The following UNC13C variants were observed in gnomAD, a reference collection of about 807,000 sequenced individuals.
The protein encoded by UNC13C is protein unc-13 homolog C.
Under a neutral mutation model 245.4 loss-of-function variants are expected in UNC13C, and 174 were observed. The observed-to-expected ratio is 0.71, with a 90% CI of 0.63 to 0.80. The LOEUF (loss-of-function observed/expected upper bound fraction) is 0.80. UNC13C is among the 30% of genes least tolerant of loss of function. UNC13C has a pLI of 0.00. For missense variants in UNC13C, 2,829 were observed against 2,602.9 expected (o/e 1.09, Z -1.89); for synonymous variants, 992 against 895.1 (o/e 1.11, Z -1.93).
At chr15:53,958,815 A>G in the UNC13C span, among the ~76,000 whole-genome samples, 7 of 152,182 alleles carry the variant, frequency 4.6e-5, no homozygotes, top group African/African-American at 1.7e-4. Flanking sequence ...GGAGCATTAC[A>G]GTTCTTGTAG....
chr15:54,115,770 C>T (rs2030197354), intron 2 of UNC13C, among the ~76,000 whole-genome samples: 1 of 151,726 alleles, frequency 6.6e-6, no homozygotes, highest in African/African-American at 2.4e-5. Flanking sequence ...TATTCCTAGC[C>T]CTGGGGATAC....
At chr15:54,383,149 C>G (rs1002608542) in intron 17 of UNC13C, among the ~76,000 whole-genome samples, 2 of 152,148 alleles carry the variant, frequency 1.3e-5, no homozygotes, top group Non-Finnish European at 2.9e-5. Flanking sequence ...TTTTCTTAAA[C>G]TATTCCAAAA....
intron 17 of UNC13C, among the ~76,000 whole-genome samples, chr15:54,339,466 G>C (rs995344481): frequency 6.6e-6 from 1 of 151,956 alleles, no homozygotes; most frequent in Non-Finnish European, 1.5e-5. Context: ...TCATTCTTAC[G>C]CCTTTGCACC....
At chr15:54,454,780 A>G (rs1465802223) in intron 19 of UNC13C, among the ~76,000 whole-genome samples, 1 of 147,842 alleles carries the variant, frequency 6.8e-6, no homozygotes, top group Non-Finnish European at 1.5e-5. Context: ...CCAGTACTCC[A>G]TCTCTTTTTT....
chr15:54,549,514 C>G, intron 27 of UNC13C, 121 bp from the exon 28 acceptor site: 1 of 728,394 alleles, frequency 1.4e-6, no homozygotes, highest in South Asian at 2.2e-5. Context: ...TTAAGGGCAT[C>G]TGGCATAAGC....
intron 29 of UNC13C, 36 bp downstream of exon 29, chr15:54,555,548 A>T (rs770084438): frequency 9.8e-6 from 15 of 1,528,628 alleles, no homozygotes; most frequent in Non-Finnish European, 1.3e-5. Context: ...ACATCGAGAG[A>T]GGCCCCCATT....
chr15:54,040,529 T>C (rs1000675834), intron 2 of UNC13C, among the ~76,000 whole-genome samples: 1 of 152,170 alleles, frequency 6.6e-6, no homozygotes. Context: ...TAGGGGACAG[T>C]GTGGAACATG....
chr15:54,198,288 A>G (rs986887831), intron 4 of UNC13C, among the ~76,000 whole-genome samples: 1 of 151,964 alleles, frequency 6.6e-6, no homozygotes, highest in Admixed American at 6.6e-5. Context: ...CCTGCCCACC[A>G]CCTGAGAAAC....
intron 4 of UNC13C, among the ~76,000 whole-genome samples, chr15:54,176,042 G>A (rs1015766165): frequency 4.6e-5 from 7 of 152,158 alleles, no homozygotes; most frequent in African/African-American, 1.4e-4. Context: ...CACACTTAGT[G>A]TAGATGTCTA....
At chr15:53,935,065 A>G in the UNC13C span, among the ~76,000 whole-genome samples, 1 of 152,206 alleles carries the variant, frequency 6.6e-6, no homozygotes, top group African/African-American at 2.4e-5. Context: ...CTCCACATCA[A>G]CCAGGAAGTT....
At chr15:54,311,333 C>T (rs1215275616) in intron 13 of UNC13C, among the ~76,000 whole-genome samples, 5 of 151,706 alleles carry the variant, frequency 3.3e-5, no homozygotes, top group Admixed American at 3.3e-4. Flanking sequence ...GTATTAAAAA[C>T]TGTTTAATTT....
intron 30 of UNC13C, among the ~76,000 whole-genome samples, chr15:54,580,894 C>G (rs974927851): frequency 6.6e-6 from 1 of 152,228 alleles, no homozygotes; most frequent in African/African-American, 2.4e-5. Context: ...TGATTCACAC[C>G]TGCAGTTTCT....
chr15:54,359,842 A>AT lies in UNC13C; in HGVS notation c.4713+21358dup, dbSNP rs1047193308. Among the ~76,000 whole-genome samples, 41 of 151,570 alleles carry AT rather than the reference A, an allele frequency of 2.7e-4. 1 individual carries two copies. The highest frequency in any genetic ancestry group is 1.6e-4 in the Non-Finnish European group (11 of 67,696). On this transcript the variant is annotated intron_variant, in intron 17 of 32. Transcript: ENST00000260323. Reference sequence around the variant, plus strand: ...TATTTTTAAAATCTCTATTTTATTTATTTTTGTTCTGTTCTCTGTTATTTC... The same window carrying AT: ...TATTTTTAAAATCTCTATTTTATTTATTTTTTGTTCTGTTCTCTGTTATTTC...
At chr15:54,272,652 A>G (rs1265996575) in intron 10 of UNC13C, among the ~76,000 whole-genome samples, 2 of 152,240 alleles carry the variant, frequency 1.3e-5, no homozygotes, top group Admixed American at 1.3e-4. Flanking sequence ...CATTGCCTAC[A>G]TTGTGATTAT....
intron 18 of UNC13C, among the ~76,000 whole-genome samples, chr15:54,395,337 A>C (rs535219893): frequency 4.0e-4 from 61 of 151,926 alleles, no homozygotes; most frequent in African/African-American, 7.7e-4. Flanking sequence ...TTAATTAATC[A>C]TCTCCTTGGT....
At chr15:54,079,931 A>G (rs983661120) in intron 2 of UNC13C, among the ~76,000 whole-genome samples, 3 of 150,472 alleles carry the variant, frequency 2.0e-5, no homozygotes, top group African/African-American at 7.3e-5. Context: ...ATTCAGTATA[A>G]TGTTAGGTGT....
At chr15:54,386,479 T>C (rs2140907388) in intron 17 of UNC13C, among the ~76,000 whole-genome samples, 1 of 152,274 alleles carries the variant, frequency 6.6e-6, no homozygotes, top group East Asian at 1.9e-4. Context: ...GTCAGCTAAA[T>C]GGAAGTGACA....
chr15:54,171,894 T>C (rs1459197460), intron 4 of UNC13C, among the ~76,000 whole-genome samples: 1 of 152,134 alleles, frequency 6.6e-6, no homozygotes, highest in African/African-American at 2.4e-5. Flanking sequence ...GAAAATGTGG[T>C]ATGTATACAT....
the UNC13C span, among the ~76,000 whole-genome samples, chr15:53,958,712 A>G: frequency 5.9e-5 from 9 of 152,214 alleles, no homozygotes; most frequent in African/African-American, 2.2e-4. Context: ...GGGGATCCAC[A>G]TGATAGTTTG....
Sources: gnomAD v4.1 joint callset for allele counts (sites outside exome capture counted in the v4.1 genomes callset) on GRCh38, gnomAD v4.1.1 for gene constraint, MANE v1.5 for transcripts, NCBI Gene and HGNC (gene_info 2026-07-23, HGNC 2026-07-21) for gene names.